HS3ST4: variants seen among roughly 807,000 people sequenced by gnomAD.
HS3ST4 encodes the protein heparan sulfate-glucosamine 3-sulfotransferase 4, also known as heparan sulfate glucosamine 3-O-sulfotransferase 4.
A neutral mutation model predicts 29.2 loss-of-function variants in HS3ST4; 17 were observed. The ratio of observed to expected loss-of-function variants is 0.58; its 90% CI spans 0.40 to 0.87. HS3ST4 has a LOEUF of 0.87. Ranked by LOEUF, HS3ST4 falls within the 40% of genes least tolerant of loss-of-function variation. HS3ST4 has a pLI of 0.00. For missense variants in HS3ST4, 627 were observed against 634.5 expected (o/e 0.99, Z 0.13); for synonymous variants, 314 against 285.7 (o/e 1.10, Z -1.00).
chr16:25,757,223 C>T (rs1302459385), intron 1 of HS3ST4, among the ~76,000 whole-genome samples: 1 of 152,054 alleles, frequency 6.6e-6, no homozygotes, highest in East Asian at 1.9e-4. Flanking sequence ...AGACTAGATC[C>T]CAGTACCACA....
At chr16:25,910,472 C>G (rs1209573361) in intron 1 of HS3ST4, among the ~76,000 whole-genome samples, 2 of 152,028 alleles carry the variant, frequency 1.3e-5, no homozygotes, top group African/African-American at 4.8e-5. Context: ...GAAACCCTGT[C>G]TCTACTAAAA....
chr16:25,749,343 A>C (rs1170706945), intron 1 of HS3ST4, among the ~76,000 whole-genome samples: 1 of 152,024 alleles, frequency 6.6e-6, no homozygotes, highest in African/African-American at 2.4e-5. Flanking sequence ...AAAATACAAA[A>C]AATTAGCTGG....
chr16:26,127,598 T>A (rs961330523), intron 1 of HS3ST4, among the ~76,000 whole-genome samples: 1 of 152,228 alleles, frequency 6.6e-6, no homozygotes, highest in Non-Finnish European at 1.5e-5. Context: ...TTTGTCACAC[T>A]GAATGGGGTT....
intron 1 of HS3ST4, among the ~76,000 whole-genome samples, chr16:25,785,814 C>T (rs763578140): frequency 2.4e-4 from 37 of 152,116 alleles, no homozygotes; most frequent in Non-Finnish European, 5.3e-4. Context: ...GTGAGTGACA[C>T]AAGCCGGGAG....
intron 1 of HS3ST4, among the ~76,000 whole-genome samples, chr16:26,103,154 G>A (rs185984324): frequency 6.7e-4 from 102 of 152,246 alleles, no homozygotes; most frequent in African/African-American, 2.3e-3. Context: ...GGCTTGAAGA[G>A]CAGCTAGCCT....
At chr16:26,100,597 C>T (rs1341283579) in intron 1 of HS3ST4, among the ~76,000 whole-genome samples, 1 of 152,110 alleles carries the variant, frequency 6.6e-6, no homozygotes, top group African/African-American at 2.4e-5. Flanking sequence ...TATACCTGGA[C>T]ACCTGCTCTG....
intron 1 of HS3ST4, among the ~76,000 whole-genome samples, chr16:25,894,119 G>C (rs1369265396): frequency 2.0e-5 from 3 of 152,108 alleles, no homozygotes; most frequent in Non-Finnish European, 4.4e-5. Flanking sequence ...AATAACCTCA[G>C]TTCACTCCTT....
intron 1 of HS3ST4, among the ~76,000 whole-genome samples, chr16:25,983,034 A>G (rs1380848675): frequency 1.3e-5 from 2 of 152,198 alleles, no homozygotes; most frequent in Admixed American, 1.3e-4. Context: ...TGGAGCTTAC[A>G]TTCCTGTGGA....
At chr16:25,987,167 A>G (rs575178979) in intron 1 of HS3ST4, among the ~76,000 whole-genome samples, 2 of 149,538 alleles carry the variant, frequency 1.3e-5, no homozygotes, top group Admixed American at 6.7e-5. Flanking sequence ...CCTGACCAAC[A>G]TAGAGAAACC....
chr16:26,011,843 A>G (rs1969314310), intron 1 of HS3ST4, among the ~76,000 whole-genome samples: 1 of 152,090 alleles, frequency 6.6e-6, no homozygotes, highest in South Asian at 2.1e-4. Flanking sequence ...ACTAGGAAGG[A>G]TATATGAGGT....
intron 1 of HS3ST4, among the ~76,000 whole-genome samples, chr16:25,870,213 C>CATCCATCCATCTATCCCCTATCT (rs1967735929): frequency 6.6e-6 from 1 of 152,116 alleles, no homozygotes; most frequent in African/African-American, 2.4e-5. Flanking sequence ...ACCATCCATC[C>CATCCATCCATCTATCCCCTATCT]ATCCATCCAT....
At chr16:25,733,372 C>CA in intron 1 of HS3ST4, among the ~76,000 whole-genome samples, 2 of 152,102 alleles carry the variant, frequency 1.3e-5, no homozygotes, top group South Asian at 4.1e-4. Context: ...CTGGTAGGTC[C>CA]CTGTGCACAA....
intron 1 of HS3ST4, among the ~76,000 whole-genome samples, chr16:25,800,588 A>T (rs1006667917): frequency 2.1e-4 from 32 of 152,162 alleles, no homozygotes; most frequent in Non-Finnish European, 2.9e-5. Context: ...GATTATAAAC[A>T]ATTTAGTGTC....
intron 1 of HS3ST4, among the ~76,000 whole-genome samples, chr16:25,873,191 TATCC>T (rs751232769): frequency 1.6e-4 from 24 of 151,466 alleles, no homozygotes; most frequent in Non-Finnish European, 3.4e-4. Flanking sequence ...CCCACCCATC[TATCC>T]ATCCACCTAC....
chr16:25,901,638 C>T (rs1968120325), intron 1 of HS3ST4, among the ~76,000 whole-genome samples: 1 of 152,212 alleles, frequency 6.6e-6, no homozygotes, highest in South Asian at 2.1e-4. Context: ...CGTGCCACTG[C>T]ACTCCATCCT....
chr16:25,945,484 G>A, intron 1 of HS3ST4, among the ~76,000 whole-genome samples: 1 of 49,786 alleles, frequency 2.0e-5, no homozygotes, highest in East Asian at 3.8e-4. Flanking sequence ...TTGTACCTGG[G>A]TGAGTGTCCT....
At chr16:25,978,376 G>A (rs888123891) in intron 1 of HS3ST4, among the ~76,000 whole-genome samples, 4 of 152,222 alleles carry the variant, frequency 2.6e-5, no homozygotes, top group Middle Eastern at 6.3e-3. Context: ...AGTCTCTGTT[G>A]TAACTACTCA....
chr16:25,957,543 G>A (rs954854888), intron 1 of HS3ST4, among the ~76,000 whole-genome samples: 9 of 152,012 alleles, frequency 5.9e-5, no homozygotes, highest in African/African-American at 1.2e-4. Flanking sequence ...TCAGCCTCCC[G>A]AGTAGCTGGG....
At chr16:25,829,756 C>CT (rs111356335) in intron 1 of HS3ST4, among the ~76,000 whole-genome samples, 44,594 of 151,972 alleles carry the variant, frequency 0.29, 6,939 homozygotes, top group African/African-American at 0.37. Context: ...TGAGCTCATT[C>CT]TTTTTTATGA....
Sources: allele counts gnomAD v4.1 joint callset (sites outside exome capture counted in the v4.1 genomes callset), GRCh38; gene constraint gnomAD v4.1.1; transcripts MANE v1.5; gene names NCBI Gene and HGNC (gene_info 2026-07-23, HGNC 2026-07-21).